Variants in DLGAP1 observed in about 807,000 individuals in gnomAD.
DLGAP1 encodes disks large-associated protein 1.
A neutral mutation model predicts 90.8 loss-of-function variants in DLGAP1; 11 were observed. The ratio of observed to expected loss-of-function variants is 0.12; its 90% CI spans 0.08 to 0.20. DLGAP1 has a LOEUF of 0.20. Among genes scored for constraint, DLGAP1 ranks in the 10% least tolerant of loss-of-function variants. The pLI, the probability that DLGAP1 is intolerant of heterozygous loss-of-function variation, is 1.00. For synonymous variants in DLGAP1, 558 were observed against 540.7 expected (o/e 1.03, Z -0.44); for missense variants, 1,050 against 1,333.8 (o/e 0.79, Z 3.31).
chr18:4,376,952 T>G (rs994235290), intron 1 of DLGAP1, among the ~76,000 whole-genome samples: 17 of 152,172 alleles, frequency 1.1e-4, no homozygotes, highest in Non-Finnish European at 2.1e-4. Context: ...GATTAGGTGA[T>G]CTGGTGTGAG....
intron 1 of DLGAP1, among the ~76,000 whole-genome samples, chr18:4,170,844 G>T (rs2077011364): frequency 6.6e-6 from 1 of 152,004 alleles, no homozygotes; most frequent in Non-Finnish European, 1.5e-5. Context: ...TGTTCATTTA[G>T]ATTTTACCTT....
intron 7 of DLGAP1, among the ~76,000 whole-genome samples, chr18:3,584,087 G>A (rs2055733843): frequency 1.3e-5 from 2 of 152,160 alleles, no homozygotes; most frequent in South Asian, 4.1e-4. Context: ...TGAGGGTTTT[G>A]AAGAAGCTTT....
At chr18:3,766,589 C>T (rs2064255231) in intron 5 of DLGAP1, among the ~76,000 whole-genome samples, 1 of 151,900 alleles carries the variant, frequency 6.6e-6, no homozygotes, top group Non-Finnish European at 1.5e-5. Context: ...AAAAAAAACT[C>T]AACAAACTTG....
intron 3 of DLGAP1, among the ~76,000 whole-genome samples, chr18:3,920,589 T>C (rs1261105051): frequency 6.6e-6 from 1 of 152,006 alleles, no homozygotes; most frequent in East Asian, 1.9e-4. Flanking sequence ...AGCTAGGAGG[T>C]AAATATGTTT....
chr18:4,099,714 T>A lies in DLGAP1; in HGVS notation c.-159+51466A>T, dbSNP rs1403230232. Among the ~76,000 whole-genome samples, 3 of 151,086 alleles carry A rather than the reference T, an allele frequency of 2.0e-5. No homozygotes were observed. In the East Asian group the frequency reaches 5.8e-4, roughly 29 times the overall value. The stretch of plus-strand genomic sequence containing the variant: ...TTTTCTTTTTTTACTTTTTTTTTTT[T>A]TTTTTTAGAGTTGAGGTCTTGCACT... On this transcript the variant is annotated intron_variant, in intron 2 of 12. Transcript: ENST00000315677.
chr18:3,637,799 CAG>C (rs1031190667), intron 7 of DLGAP1, among the ~76,000 whole-genome samples: 4 of 151,934 alleles, frequency 2.6e-5, no homozygotes, highest in African/African-American at 9.7e-5. Context: ...ATATAATACA[CAG>C]AGTTTTGTTA....
chr18:4,081,310 C>T (rs1281220980), intron 2 of DLGAP1, among the ~76,000 whole-genome samples: 6 of 142,624 alleles, frequency 4.2e-5, no homozygotes, highest in East Asian at 3.9e-4. Flanking sequence ...AGTGAAACTC[C>T]GTCTCAGGAA....
At chr18:3,771,441 C>G (rs1470399177) in intron 5 of DLGAP1, 1 of 152,322 alleles carries the variant, frequency 6.6e-6, no homozygotes, top group Admixed American at 6.5e-5. Context: ...GAGAGTGCGT[C>G]TGTGTTTCCC....
chr18:3,950,963 C>T (rs1244633068), intron 3 of DLGAP1, among the ~76,000 whole-genome samples: 1 of 152,144 alleles, frequency 6.6e-6, no homozygotes, highest in African/African-American at 2.4e-5. Flanking sequence ...AGAGTCCAAA[C>T]CTGAGAGAAC....
At chr18:4,330,879 T>C (rs2080933586) in intron 1 of DLGAP1, among the ~76,000 whole-genome samples, 1 of 151,842 alleles carries the variant, frequency 6.6e-6, no homozygotes, top group Non-Finnish European at 1.5e-5. Flanking sequence ...TGTTCAAGTC[T>C]TCTATACTCT....
chr18:4,232,514 A>T (rs2145062701), intron 1 of DLGAP1, among the ~76,000 whole-genome samples: 1 of 152,318 alleles, frequency 6.6e-6, no homozygotes, highest in South Asian at 2.1e-4. Context: ...TGAAGGTCTT[A>T]AAATTATAAA....
At chr18:3,863,469 AT>A (rs2148753535) in intron 4 of DLGAP1, among the ~76,000 whole-genome samples, 1 of 152,322 alleles carries the variant, frequency 6.6e-6, no homozygotes, top group Admixed American at 6.5e-5. Flanking sequence ...AGTTTTGGTA[AT>A]AAACCCGTTC....
rs1200887292 is a variant in DLGAP1 at position 3,917,150 on chromosome 18, T to A, written c.-72-37010A>T. ...TAAGTAGGTTAGGTGAAGGCTAAGC[T>A]ACGGTGTTTGGTAAGTTAGCTGTAC... is the stretch of plus-strand genomic sequence containing the variant. On this transcript the variant is annotated intron_variant, in intron 3 of 12. Coordinates refer to ENST00000315677, the MANE Select transcript of DLGAP1 (RefSeq NM_004746.4). Among the ~76,000 whole-genome samples the A allele has an allele frequency of 2.6e-5, 4 of 152,268 alleles. No individual in the cohort carries two copies. In the East Asian group the frequency reaches 7.7e-4, roughly 29 times the overall value.
chr18:3,538,055 A>C (rs1599120117), intron 9 of DLGAP1, among the ~76,000 whole-genome samples: 1 of 152,218 alleles, frequency 6.6e-6, no homozygotes, highest in East Asian at 1.9e-4. Flanking sequence ...TAGTCCATCA[A>C]AAATAAAGAA....
Position 3,711,177 on chromosome 18 carries a change from TA to T in DLGAP1, c.1591+17957del, listed in dbSNP as rs562263306. ...TGTAAGAGGGCAGCACAAAGGGAAG[TA>T]AAAACAAAGCCAAGGGCATATCCTT... is the stretch of plus-strand genomic sequence containing the variant. On this transcript the variant is annotated intron_variant, in intron 7 of 12. Transcript: ENST00000315677. The surrounding 1 kb of genome is among the most constrained non-coding windows in gnomAD (Gnocchi z 4.0). Among the ~76,000 whole-genome samples the T allele has an allele frequency of 1.7e-4, 26 of 152,272 alleles. No homozygotes were observed. The South Asian group carries it at 5.4e-3, about 32-fold the overall frequency.
intron 2 of DLGAP1, among the ~76,000 whole-genome samples, chr18:4,082,118 A>G (rs536125799): frequency 1.4e-4 from 22 of 152,120 alleles, no homozygotes; most frequent in African/African-American, 5.1e-4. Context: ...AGGCGAGTGG[A>G]TTGCCTGAGC....
At chr18:4,421,509 G>T (rs12605705) in intron 1 of DLGAP1, among the ~76,000 whole-genome samples, 1 of 151,934 alleles carries the variant, frequency 6.6e-6, no homozygotes, top group Non-Finnish European at 1.5e-5. Context: ...ATGTCTTTTA[G>T]GGGATTACTA....
chr18:3,841,680 T>C (rs1288712986), intron 4 of DLGAP1, among the ~76,000 whole-genome samples: 2 of 152,076 alleles, frequency 1.3e-5, no homozygotes, highest in Non-Finnish European at 2.9e-5. Flanking sequence ...ATTAAGGAAA[T>C]TATATGAACC....
At position 4,119,208 on chromosome 18, in the gene DLGAP1, C is replaced by T. The variant is rs116178698; in HGVS notation, c.-159+31972G>A. On this transcript the variant is annotated intron_variant, in intron 2 of 12. Coordinates refer to ENST00000315677, the MANE Select transcript of DLGAP1 (RefSeq NM_004746.4). The stretch of plus-strand genomic sequence containing the variant: ...CTGGGCTCAAGTGATCCTCCCGCCT[C>T]AGCCTCCCCTGCAGCTGGGACTATA... 4.0e-3 allele frequency among the ~76,000 whole-genome samples: 616 copies of T among 152,292 alleles called. 10 individuals are homozygous for T. Among genetic ancestry groups the T allele is most frequent in the African/African-American group, 0.014 (599 of 41,578 alleles).
Sources: gnomAD v4.1 joint callset for allele counts (sites outside exome capture counted in the v4.1 genomes callset) on GRCh38, gnomAD v4.1.1 for gene constraint, Gnocchi (gnomAD v3.1) non-coding constraint, MANE v1.5 for transcripts, NCBI Gene and HGNC (gene_info 2026-07-23, HGNC 2026-07-21) for gene names.